The following JAZF1 variants were observed in gnomAD, a reference collection of about 807,000 sequenced individuals.
The protein encoded by JAZF1 is JAZF zinc finger 1.
A neutral mutation model predicts 26.4 loss-of-function variants in JAZF1; 8 were observed. The ratio of observed to expected loss-of-function variants is 0.30; its 90% CI spans 0.18 to 0.55. JAZF1 has a LOEUF of 0.55. JAZF1 is among the 20% of genes least tolerant of loss of function. The pLI is 0.94. For missense variants in JAZF1, 199 were observed against 322.0 expected, an observed-to-expected ratio of 0.62 and a Z score of 2.92; for synonymous variants, 126 against 122.3, an observed-to-expected ratio of 1.03 and a Z score of -0.20.
chr7:27,941,017 C>A (rs1784838596), intron 2 of JAZF1, among the ~76,000 whole-genome samples: 2 of 152,114 alleles, frequency 1.3e-5, no homozygotes. Flanking sequence ...CCATAAACTG[C>A]CCATGTATGA....
rs1346171758 is a variant in JAZF1 at position 28,170,335 on chromosome 7, ATATGTGTGTGTGTGTGTGTGTGTGTG to A, written c.115+10102_115+10127del. 5.4e-3 allele frequency among the ~76,000 whole-genome samples: 760 copies of A among 140,182 alleles called. 5 individuals carry two copies. Among genetic ancestry groups the A allele is most frequent in the Non-Finnish European group, 8.9e-3 (573 of 64,064 alleles). 92.0% of individuals were successfully genotyped at this position (140,182 alleles called of 152,430 possible). A position where few individuals can be genotyped will look rare whatever the true frequency, so the allele number is the denominator to read the frequency against. On this transcript the variant is annotated intron_variant, in intron 1 of 4. Coordinates refer to ENST00000283928, the MANE Select transcript of JAZF1 (RefSeq NM_175061.4). ...GAAATCTGAAGTAAAAGAGAAGTTGATATGTGTGTGTGTGTGTGTGTGTGTGTGTGTGTGTGTGTGTGTGTGTGTGT... is the reference window on the plus strand; with the variant it reads ...GAAATCTGAAGTAAAAGAGAAGTTGATGTGTGTGTGTGTGTGTGTGTGTGT...
chr7:27,937,420 T>C (rs1420330353), intron 2 of JAZF1, among the ~76,000 whole-genome samples: 2 of 152,122 alleles, frequency 1.3e-5, no homozygotes, highest in Non-Finnish European at 2.9e-5. Context: ...ATGAAGTACA[T>C]AGCAATCACT....
At chr7:28,136,423 GA>G (rs1325115056) in intron 1 of JAZF1, among the ~76,000 whole-genome samples, 6 of 152,218 alleles carry the variant, frequency 3.9e-5, no homozygotes, top group Admixed American at 3.9e-4. Context: ...GGAAAAGACA[GA>G]AATCCCTGGA....
At chr7:27,982,519 T>C (rs1025007363) in intron 2 of JAZF1, among the ~76,000 whole-genome samples, 4 of 152,144 alleles carry the variant, frequency 2.6e-5, no homozygotes, top group African/African-American at 9.7e-5. Flanking sequence ...ACTCCAACTC[T>C]GGGGACAGGG....
chr7:27,860,236 G>A (rs1460129654), intron 3 of JAZF1, among the ~76,000 whole-genome samples: 1 of 152,178 alleles, frequency 6.6e-6, no homozygotes, highest in Non-Finnish European at 1.5e-5. Flanking sequence ...GAAATATGCT[G>A]TAGGAACTTA....
intron 1 of JAZF1, among the ~76,000 whole-genome samples, chr7:28,123,739 G>T (rs74847755): frequency 0.029 from 4,369 of 152,308 alleles, 111 homozygotes; most frequent in Non-Finnish European, 0.041. Context: ...AATGATGGAA[G>T]ATGGAAATAA....
chr7:28,079,161 T>A (rs1029473283), intron 1 of JAZF1, among the ~76,000 whole-genome samples: 4 of 152,068 alleles, frequency 2.6e-5, no homozygotes, highest in African/African-American at 4.8e-5. Context: ...GGCTAATTTT[T>A]AAAATATTTT....
At chr7:28,022,382 G>T (rs542940096) in intron 1 of JAZF1, among the ~76,000 whole-genome samples, 1 of 152,232 alleles carries the variant, frequency 6.6e-6, no homozygotes, top group Admixed American at 6.5e-5. Flanking sequence ...TTTCCTGACC[G>T]TTCTAACAAA....
intron 1 of JAZF1, among the ~76,000 whole-genome samples, chr7:28,027,679 A>G (rs1783117729): frequency 6.6e-6 from 1 of 152,208 alleles, no homozygotes; most frequent in Non-Finnish European, 1.5e-5. Context: ...ATGGCAACAA[A>G]GCTACCTTCA....
chr7:27,959,326 T>A (rs1479489555), intron 2 of JAZF1, among the ~76,000 whole-genome samples: 1 of 152,210 alleles, frequency 6.6e-6, no homozygotes, highest in Non-Finnish European at 1.5e-5. Flanking sequence ...AGCCAACTCC[T>A]CTTTATACTG....
intron 1 of JAZF1, among the ~76,000 whole-genome samples, chr7:28,170,337 A>ATGTGTGTGTGTGTGTG (rs61200785): frequency 3.1e-4 from 31 of 98,452 alleles, no homozygotes; most frequent in Non-Finnish European, 5.7e-4. Flanking sequence ...AGAAGTTGAT[A>ATGTGTGTGTGTGTGTG]TGTGTGTGTG....
intron 1 of JAZF1, among the ~76,000 whole-genome samples, chr7:28,135,276 G>A (rs1782863554): frequency 1.3e-5 from 2 of 152,104 alleles, no homozygotes; most frequent in Admixed American, 1.3e-4. Flanking sequence ...CTCCTCAACT[G>A]GCTTGATACC....
intron 3 of JAZF1, among the ~76,000 whole-genome samples, chr7:27,887,036 T>C (rs940221815): frequency 6.6e-6 from 1 of 152,042 alleles, no homozygotes; most frequent in Non-Finnish European, 1.5e-5. Flanking sequence ...TACTTATAAG[T>C]GGGAGCCAAA....
chr7:27,846,425 A>G, intron 3 of JAZF1: 1 of 399,728 alleles, frequency 2.5e-6, no homozygotes, highest in South Asian at 1.7e-5. Flanking sequence ...ATACATATAT[A>G]CACACAGATT....
chr7:27,970,975 G>A (rs1336150553), intron 2 of JAZF1, among the ~76,000 whole-genome samples: 4 of 152,200 alleles, frequency 2.6e-5, no homozygotes, highest in Non-Finnish European at 5.9e-5. Flanking sequence ...GAGCTATGAT[G>A]CATGGTCACC....
chr7:27,834,539 C>G (rs910095082), intron 4 of JAZF1, among the ~76,000 whole-genome samples: 3 of 152,246 alleles, frequency 2.0e-5, no homozygotes, highest in Non-Finnish European at 4.4e-5. Flanking sequence ...TCAATCCTTT[C>G]AAACATAAGG....
intron 1 of JAZF1, among the ~76,000 whole-genome samples, chr7:28,136,985 T>A (rs933177007): frequency 3.3e-5 from 5 of 152,220 alleles, no homozygotes; most frequent in African/African-American, 1.2e-4. Flanking sequence ...CAATGCTGAA[T>A]GCTTATGCCG....
chr7:28,114,274 G>A (rs189748603), intron 1 of JAZF1, among the ~76,000 whole-genome samples: 57 of 152,210 alleles, frequency 3.7e-4, no homozygotes, highest in Admixed American at 1.0e-3. Flanking sequence ...TTCTGCAAAC[G>A]CAGGCACCTG....
rs372733535 is a variant in JAZF1 at position 28,058,858 on chromosome 7, A to G, written c.116-66877T>C. On this transcript the variant is annotated intron_variant, in intron 1 of 4. Transcript: ENST00000283928. ...CAGTCAATTTTCTCAAGTATTTTAC[A>G]TGCCCTTAAAATGCTCTGCCACTTC... Among the ~76,000 whole-genome samples, 796 of 152,302 alleles carry G rather than the reference A, an allele frequency of 5.2e-3. 4 individuals carry two copies. Among genetic ancestry groups the G allele is most frequent in the Middle Eastern group, 0.014 (4 of 294 alleles).
Sources: allele counts gnomAD v4.1 joint callset (sites outside exome capture counted in the v4.1 genomes callset), GRCh38; gene constraint gnomAD v4.1.1; transcripts MANE v1.5; gene names NCBI Gene and HGNC (gene_info 2026-07-23, HGNC 2026-07-21).